Variants in STAM2 observed in about 807,000 individuals in gnomAD.
STAM2 encodes signal transducing adapter molecule 2.
STAM2 carries 51 observed loss-of-function variants against 65.6 expected under a neutral mutation model. The observed-to-expected ratio is 0.78, with a 90% CI of 0.62 to 0.98. STAM2 has a LOEUF of 0.98. Ranked by LOEUF, STAM2 falls within the 50% of genes least tolerant of loss-of-function variation. The pLI, the probability that STAM2 is intolerant of heterozygous loss-of-function variation, is 0.00. For missense variants in STAM2, 584 were observed against 617.8 expected, an observed-to-expected ratio of 0.95 and a Z score of 0.58; for synonymous variants, 198 against 208.4, an observed-to-expected ratio of 0.95 and a Z score of 0.43.
rs1389641462 is a variant in STAM2 at position 152,144,496 on chromosome 2, C to T, written c.517+392G>A. ...GATTTGAGGTAAAAATAAAAGTATG[C>T]TAGTTTTATTATCATTTTTATTTCA... On this transcript the variant is annotated intron_variant, in intron 6 of 13. Coordinates refer to ENST00000263904, the MANE Select transcript of STAM2 (RefSeq NM_005843.6). 2.0e-5 allele frequency among the ~76,000 whole-genome samples: 3 copies of T among 152,020 alleles called. No homozygotes were observed. The East Asian group carries it at 5.8e-4, about 29-fold the overall frequency.
At chr2:152,141,292 T>C (rs980261861) in intron 7 of STAM2, among the ~76,000 whole-genome samples, 1 of 149,718 alleles carries the variant, frequency 6.7e-6, no homozygotes, top group Non-Finnish European at 1.5e-5. Flanking sequence ...TCCCAGCACT[T>C]TGGGAGGCCG....
At chr2:152,164,483 C>T (rs1689740939) in intron 1 of STAM2, among the ~76,000 whole-genome samples, 1 of 152,100 alleles carries the variant, frequency 6.6e-6, no homozygotes, top group South Asian at 2.1e-4. Flanking sequence ...GCCGGGATTA[C>T]AGGCATGCGC....
In STAM2 at chr2:152,136,942, T is replaced by C. The variant is rs1689167862; in HGVS notation, c.705-1339A>G. Among the ~76,000 whole-genome samples, 3 of 150,368 alleles carry C rather than the reference T, an allele frequency of 2.0e-5. No homozygotes were observed. In the Admixed American group the frequency reaches 2.0e-4, roughly 10 times the overall value. Reference sequence around the variant, plus strand: ...CGAGGTCTTGCTGTGTCACCCAAGCTGGAGTGCAGTGGCACGATCTTGGCT... The same window carrying C: ...CGAGGTCTTGCTGTGTCACCCAAGCCGGAGTGCAGTGGCACGATCTTGGCT... On this transcript the variant is annotated intron_variant, in intron 7 of 13. Coordinates refer to ENST00000263904, the MANE Select transcript of STAM2 (RefSeq NM_005843.6).
intron 1 of STAM2, among the ~76,000 whole-genome samples, chr2:152,155,343 C>T (rs1367702762): frequency 1.3e-5 from 2 of 152,182 alleles, no homozygotes; most frequent in Non-Finnish European, 2.9e-5. Flanking sequence ...CATCTGTGGA[C>T]ATAGTTTGGC....
intron 1 of STAM2, among the ~76,000 whole-genome samples, chr2:152,170,253 G>A (rs537307086): frequency 5.0e-4 from 75 of 150,758 alleles, no homozygotes; most frequent in African/African-American, 1.7e-3. Context: ...AGGCCAAGAC[G>A]GGCGGATCAC....
At chr2:152,145,004 A>G in intron 5 of STAM2, 47 bp from the exon 6 acceptor site, 4 of 1,408,008 alleles carry the variant, frequency 2.8e-6, no homozygotes, top group Non-Finnish European at 4.0e-6. Context: ...TTCAAACAAA[A>G]CACAAGCTCC....
At chr2:152,121,120 A>T (rs1374433728) in intron 13 of STAM2, among the ~76,000 whole-genome samples, 1 of 152,028 alleles carries the variant, frequency 6.6e-6, no homozygotes, top group Non-Finnish European at 1.5e-5. Context: ...AAAAAATTTA[A>T]ATTAGTCCCA....
intron 11 of STAM2, 28 bp from the exon 12 acceptor site, chr2:152,126,407 C>A: frequency 7.2e-7 from 1 of 1,380,454 alleles, no homozygotes; most frequent in Non-Finnish European, 9.5e-7. Flanking sequence ...TATTATAATA[C>A]TCTTCTAGTT....
chr2:152,165,820 T>C (rs1160785102), intron 1 of STAM2, among the ~76,000 whole-genome samples: 1 of 152,166 alleles, frequency 6.6e-6, no homozygotes, highest in African/African-American at 2.4e-5. Context: ...TTTAAACAAG[T>C]AGTACTTTGA....
chr2:152,133,293 C>CA (rs1180083758), intron 9 of STAM2, 33 bp from the exon 10 acceptor site: 7 of 1,572,494 alleles, frequency 4.5e-6, no homozygotes, highest in East Asian at 2.2e-5. Flanking sequence ...TTCAAAAACT[C>CA]AAGAGTTTTA....
At chr2:152,132,835 A>G (rs1193749222) in intron 10 of STAM2, among the ~76,000 whole-genome samples, 1 of 152,192 alleles carries the variant, frequency 6.6e-6, no homozygotes, top group Non-Finnish European at 1.5e-5. Context: ...CTTTAAATTC[A>G]TAATACAAGA....
At chr2:152,164,895 G>C (rs1689748887) in intron 1 of STAM2, among the ~76,000 whole-genome samples, 1 of 152,060 alleles carries the variant, frequency 6.6e-6, no homozygotes, top group Non-Finnish European at 1.5e-5. Context: ...CAAAAATCCT[G>C]GGGCCAGCCT....
rs373122436 is a variant in STAM2, at chr2:152,148,064, C to T, written c.260G>A (p.Arg87His). 2.3e-5 allele frequency: 37 copies of T among 1,610,514 alleles called. No homozygotes were observed. In the East Asian group the frequency reaches 3.8e-4, roughly 17 times the overall value. Reference sequence around the variant, plus strand: ...AGCACGTACTTCTGTTGCAAAATCACGGGAACATACTTCTAAATGAAATAT... The same window carrying T: ...AGCACGTACTTCTGTTGCAAAATCATGGGAACATACTTCTAAATGAAATAT... ...GKIFHLEVCS[R>H]DFATEVRAVI... The change falls in exon 4 of 14, where the codon CGT becomes CAT. Residue 87 changes from arginine to histidine, a missense_variant. By Grantham distance (29) the Arg-to-His change is conservative. Transcript: ENST00000263904.
intron 11 of STAM2, 192 bp downstream of exon 11, chr2:152,131,922 C>A (rs148333565): frequency 0.01 from 5,660 of 550,878 alleles, 49 homozygotes; most frequent in Non-Finnish European, 0.012. Context: ...CTTGTCAGAG[C>A]TTGTTTTTTA....
intron 13 of STAM2, among the ~76,000 whole-genome samples, chr2:152,122,513 GT>G (rs1483547893): frequency 6.6e-6 from 1 of 152,068 alleles, no homozygotes; most frequent in Non-Finnish European, 1.5e-5. Context: ...AACTACACCA[GT>G]TTTTTCTCCA....
chr2:152,165,723 T>C (rs979545450), intron 1 of STAM2, among the ~76,000 whole-genome samples: 8 of 152,158 alleles, frequency 5.3e-5, no homozygotes, highest in Non-Finnish European at 1.0e-4. Context: ...CCCAAATCCA[T>C]GTTCTCATTT....
intron 1 of STAM2, among the ~76,000 whole-genome samples, chr2:152,172,947 G>A (rs1444916920): frequency 6.6e-6 from 1 of 151,830 alleles, no homozygotes; most frequent in Non-Finnish European, 1.5e-5. Flanking sequence ...GCTCCTATCT[G>A]AAGGTCCTTG....
At chr2:152,136,892 C>CTT (rs746931542) in intron 7 of STAM2, among the ~76,000 whole-genome samples, 64 of 130,110 alleles carry the variant, frequency 4.9e-4, no homozygotes, top group Non-Finnish European at 6.6e-4. Flanking sequence ...AAACATTTTT[C>CTT]TTTTTTTTTT....
chr2:152,143,877 G>T lies in STAM2; in HGVS notation c.654C>A (p.Asp218Glu), dbSNP rs1689292223. The change falls in exon 7 of 14, where the codon GAC becomes GAA. Residue 218 changes from aspartate to glutamate, a missense_variant. Asp to Glu is a conservative substitution (Grantham distance 45). Coordinates refer to ENST00000263904, the MANE Select transcript of STAM2 (RefSeq NM_005843.6). The stretch of plus-strand genomic sequence containing the variant: ...CACCATGTTTAAAGGTGAGTTCATT[G>T]TCCTCAACAGCTTCAAAATCATATA... Reference protein sequence around the residue: ...RALYDFEAVEDNELTFKHGEI... With the variant: ...RALYDFEAVEENELTFKHGEI... 1 of 1,613,556 alleles carries T rather than the reference G, an allele frequency of 6.2e-7. No individual in the cohort carries two copies.
Sources: allele counts gnomAD v4.1 joint callset (sites outside exome capture counted in the v4.1 genomes callset), GRCh38; gene constraint gnomAD v4.1.1; transcripts MANE v1.5; gene names NCBI Gene and HGNC (gene_info 2026-07-23, HGNC 2026-07-21).